The following ZC3H12B variants were observed in gnomAD, a reference collection of about 807,000 sequenced individuals.
The protein encoded by ZC3H12B is zinc finger CCCH-type containing 12B.
Under a neutral mutation model 43.9 loss-of-function variants are expected in ZC3H12B, and 7 were observed. The observed-to-expected ratio is 0.16, with a 90% CI of 0.09 to 0.30. The LOEUF (loss-of-function observed/expected upper bound fraction) is 0.30, where lower values mean the gene tolerates loss of function less well. ZC3H12B is among the 10% of genes least tolerant of loss of function. The probability of loss-of-function intolerance (pLI) is 1.00; values close to 1 mark genes in which losing one functional copy is unlikely to be tolerated. For synonymous variants in ZC3H12B, 222 were observed against 241.7 expected, an observed-to-expected ratio of 0.92 and a Z score of 0.76; for missense variants, 475 against 670.2, an observed-to-expected ratio of 0.71 and a Z score of 3.22.
chrX:65,137,697 T>G, the ZC3H12B span, among the ~76,000 whole-genome samples: 1 of 112,627 alleles, frequency 8.9e-6, no homozygotes, highest in African/African-American at 3.2e-5. Flanking sequence ...TAAAAGTGGA[T>G]TCTCACATTT....
the ZC3H12B span, among the ~76,000 whole-genome samples, chrX:65,116,541 G>C: frequency 9.1e-6 from 1 of 109,819 alleles, no homozygotes; most frequent in African/African-American, 3.3e-5. Context: ...GCTCTTTTCT[G>C]GTTCCATTTC....
At chrX:65,053,268 C>A in the ZC3H12B span, among the ~76,000 whole-genome samples, 1 of 110,808 alleles carries the variant, frequency 9.0e-6, no homozygotes, top group Non-Finnish European at 1.9e-5. Flanking sequence ...TCCCCCCACC[C>A]CGCAACAGGC....
chrX:65,070,839 T>TTTC, the ZC3H12B span, among the ~76,000 whole-genome samples: 1 of 103,816 alleles, frequency 9.6e-6, no homozygotes, highest in Non-Finnish European at 2.0e-5. Flanking sequence ...TTTTTTTTTT[T>TTTC]AGTTTGCTGA....
the ZC3H12B span, among the ~76,000 whole-genome samples, chrX:65,249,195 A>G: frequency 8.9e-6 from 1 of 112,116 alleles, no homozygotes; most frequent in Non-Finnish European, 1.9e-5. Flanking sequence ...GTTATCTTCT[A>G]GAATTTTTAT....
intron 3 of ZC3H12B, among the ~76,000 whole-genome samples, chrX:65,459,647 A>T (rs2067701841): frequency 8.9e-6 from 1 of 112,033 alleles, no homozygotes; most frequent in Non-Finnish European, 1.9e-5. Context: ...GCCTTTGACA[A>T]AATTCAACAG....
Position 65,432,123 on chromosome X carries a change from A to G in ZC3H12B, n.407+33419A>G, listed in dbSNP as rs1001262350. On this transcript the variant is annotated intron_variant and non_coding_transcript_variant, in intron 3 of 5. Coordinates refer to the ZC3H12B transcript ENST00000617377. ...ATGGGTATTAGGGCCACTTTTTTAT[A>G]TAACTTACTTATGCCTTTAGAACCT... Among the ~76,000 whole-genome samples, 3 of 111,822 alleles carry G rather than the reference A, an allele frequency of 2.7e-5. No homozygotes were observed. In the Admixed American group the frequency reaches 2.8e-4, roughly 11 times the overall value.
At chrX:65,473,029 T>C (rs1188598091) in intron 3 of ZC3H12B, among the ~76,000 whole-genome samples, 2 of 98,902 alleles carry the variant, frequency 2.0e-5, no homozygotes, top group Non-Finnish European at 4.0e-5. Flanking sequence ...TGTTTGTTTT[T>C]TGAGACAGAG....
At chrX:65,225,027 C>T in the ZC3H12B span, among the ~76,000 whole-genome samples, 8 of 111,821 alleles carry the variant, frequency 7.2e-5, no homozygotes, top group South Asian at 3.7e-4. Context: ...AGCAGTGGTT[C>T]TCCCATCATG....
the ZC3H12B span, among the ~76,000 whole-genome samples, chrX:65,230,880 A>G: frequency 3.6e-5 from 4 of 111,967 alleles, no homozygotes; most frequent in African/African-American, 1.3e-4. Flanking sequence ...ACAGTCCAAG[A>G]TAGACTACTT....
At chrX:65,251,932 T>A in the ZC3H12B span, among the ~76,000 whole-genome samples, 4 of 111,633 alleles carry the variant, frequency 3.6e-5, no homozygotes, top group Non-Finnish European at 5.6e-5. Context: ...TTTATTACTT[T>A]CTCCTTCCTG....
the ZC3H12B span, among the ~76,000 whole-genome samples, chrX:65,325,761 A>G: frequency 9.0e-6 from 1 of 111,609 alleles, no homozygotes; most frequent in African/African-American, 3.2e-5. Context: ...TTTTAAGACA[A>G]TTATGAGCAA....
the ZC3H12B span, among the ~76,000 whole-genome samples, chrX:65,151,255 A>T: frequency 8.9e-6 from 1 of 112,090 alleles, no homozygotes; most frequent in Non-Finnish European, 1.9e-5. Flanking sequence ...AAATTTTTCC[A>T]TTCAAAATCT....
chrX:65,147,316 T>A, the ZC3H12B span, among the ~76,000 whole-genome samples: 1 of 111,467 alleles, frequency 9.0e-6, no homozygotes, highest in Non-Finnish European at 1.9e-5. Flanking sequence ...GGTACCTTGG[T>A]CAGAAGTTGG....
At chrX:65,386,451 T>G (rs762853757) in intron 2 of ZC3H12B, among the ~76,000 whole-genome samples, 1 of 112,068 alleles carries the variant, frequency 8.9e-6, no homozygotes, top group East Asian at 2.8e-4. Context: ...TTTATAGTAT[T>G]CTCTGATGGT....
chrX:65,272,631 CCT>C, the ZC3H12B span: 1 of 111,454 alleles, frequency 9.0e-6, no homozygotes, highest in African/African-American at 3.3e-5. Context: ...TTTATGATGC[CCT>C]CTGTTTTATT....
At chrX:65,255,848 T>A in the ZC3H12B span, among the ~76,000 whole-genome samples, 62 of 112,146 alleles carry the variant, frequency 5.5e-4, 1 homozygote, top group Non-Finnish European at 3.2e-4. Context: ...GAAAAATCTA[T>A]GAAATGAATG....
the ZC3H12B span, among the ~76,000 whole-genome samples, chrX:65,352,038 T>C: frequency 8.9e-6 from 1 of 112,298 alleles, no homozygotes. Context: ...TGCAGCACTA[T>C]TCACAATAGC....
exon 5 of ZC3H12B, chrX:65,502,516 T>C (rs1435599034): frequency 3.1e-5 from 38 of 1,209,006 alleles, no homozygotes; most frequent in Non-Finnish European, 4.2e-5. Context: ...TGGCTGTAGC[T>C]GATACCCATC....
chrX:65,169,675 C>G, the ZC3H12B span, among the ~76,000 whole-genome samples: 5 of 111,800 alleles, frequency 4.5e-5, no homozygotes, highest in Admixed American at 9.5e-5. Context: ...GTCTAAGTCT[C>G]TTTGTAAGTC....
Sources: allele counts gnomAD v4.1 joint callset (sites outside exome capture counted in the v4.1 genomes callset), GRCh38; gene constraint gnomAD v4.1.1; transcripts MANE v1.5; gene names NCBI Gene and HGNC (gene_info 2026-07-23, HGNC 2026-07-21).